Variants in ASTN2 observed in about 807,000 individuals in gnomAD.
The protein encoded by ASTN2 is astrotactin-2.
In ASTN2, 54 loss-of-function variants were observed where a neutral mutation model predicts 139.8. The ratio of observed to expected loss-of-function variants is 0.39; its 90% confidence interval spans 0.31 to 0.48. The LOEUF (loss-of-function observed/expected upper bound fraction) is 0.48, where lower values mean the gene tolerates loss of function less well. Among genes scored for constraint, ASTN2 ranks in the 20% least tolerant of loss-of-function variants. ASTN2 has a pLI of 0.95. For missense variants in ASTN2, 1,565 were observed against 1,725.1 expected, an observed-to-expected ratio of 0.91 and a Z score of 1.64; for synonymous variants, 756 against 719.5, an observed-to-expected ratio of 1.05 and a Z score of -0.81.
intron 20 of ASTN2, among the ~76,000 whole-genome samples, chr9:116,457,792 A>C (rs1332929740): frequency 8.5e-5 from 13 of 152,116 alleles, no homozygotes; most frequent in Admixed American, 7.9e-4. Flanking sequence ...AACAATATGG[A>C]GATTCCTCAA....
intron 3 of ASTN2, among the ~76,000 whole-genome samples, chr9:117,157,318 A>G (rs556329743): frequency 6.6e-6 from 1 of 152,052 alleles, no homozygotes; most frequent in East Asian, 1.9e-4. Context: ...AAAAAGACAC[A>G]TGGATCCAAG....
In ASTN2 at chr9:116,729,095, T is replaced by A. The variant is rs769785397; in HGVS notation, c.2523A>T (p.Gly841=). 6.3e-7 allele frequency: 1 copy of A among 1,579,206 alleles called. No individual in the cohort carries two copies. ...EPLPDLQLLT[G]DIRYDEAMGY... is the part of the protein sequence containing the mutation. ...CCATGGCCTCATCATACCTGATATCTCCTGGGAGAGAAAATAAGATGGTCA... is the reference window on the plus strand; with the variant it reads ...CCATGGCCTCATCATACCTGATATCACCTGGGAGAGAAAATAAGATGGTCA... Residue 841 remains glycine, a splice_region_variant and synonymous_variant, in exon 15 of 23, where the codon GGA becomes GGT. Coordinates refer to ENST00000313400, the MANE Select transcript of ASTN2 (RefSeq NM_001365068.1).
intron 19 of ASTN2, among the ~76,000 whole-genome samples, chr9:116,488,680 T>C (rs552551277): frequency 2.0e-5 from 3 of 152,164 alleles, no homozygotes; most frequent in Non-Finnish European, 4.4e-5. Flanking sequence ...TACAAAATAA[T>C]CTCATTTTTG....
At chr9:117,008,757 T>G (rs563014281) in intron 6 of ASTN2, among the ~76,000 whole-genome samples, 7 of 152,326 alleles carry the variant, frequency 4.6e-5, no homozygotes, top group Admixed American at 4.6e-4. Flanking sequence ...ATGTCTCCTC[T>G]GGAACAGGGG....
At chr9:117,118,127 T>C (rs1263774871) in intron 4 of ASTN2, among the ~76,000 whole-genome samples, 1 of 152,214 alleles carries the variant, frequency 6.6e-6, no homozygotes, top group African/African-American at 2.4e-5. Context: ...TCTATCAGTG[T>C]TGTCATGCGG....
intron 6 of ASTN2, among the ~76,000 whole-genome samples, chr9:117,014,828 A>G (rs537510841): frequency 1.4e-3 from 208 of 152,260 alleles, no homozygotes; most frequent in African/African-American, 4.7e-3. Flanking sequence ...GGGAGAGGAC[A>G]GCCATCTACA....
intron 3 of ASTN2, among the ~76,000 whole-genome samples, chr9:117,205,131 G>T (rs1383139603): frequency 1.3e-5 from 2 of 152,190 alleles, no homozygotes; most frequent in Non-Finnish European, 2.9e-5. Context: ...TGGGGGTAGT[G>T]ACAATAAACC....
At chr9:116,480,768 G>C (rs1050871787) in intron 20 of ASTN2, among the ~76,000 whole-genome samples, 1 of 152,150 alleles carries the variant, frequency 6.6e-6, no homozygotes, top group Non-Finnish European at 1.5e-5. Flanking sequence ...GAACAGTAGA[G>C]GCAAAGACCT....
intron 1 of ASTN2, among the ~76,000 whole-genome samples, chr9:117,366,807 C>T (rs1336671935): frequency 6.6e-6 from 1 of 152,094 alleles, no homozygotes; most frequent in Non-Finnish European, 1.5e-5. Context: ...CGCAGTCTCA[C>T]TCTGTCTCCC....
intron 11 of ASTN2, among the ~76,000 whole-genome samples, chr9:116,843,300 A>T (rs1208580750): frequency 2.0e-5 from 3 of 152,198 alleles, no homozygotes; most frequent in African/African-American, 7.2e-5. Context: ...ATGCAGCTGG[A>T]GGCCATTATC....
At chr9:116,484,831 G>A (rs1480235975) in intron 20 of ASTN2, among the ~76,000 whole-genome samples, 1 of 152,184 alleles carries the variant, frequency 6.6e-6, no homozygotes, top group African/African-American at 2.4e-5. Context: ...AAGGGGCAAA[G>A]GAAAGTGTTC....
At chr9:116,999,815 G>C (rs531392834) in intron 7 of ASTN2, among the ~76,000 whole-genome samples, 102 of 151,954 alleles carry the variant, frequency 6.7e-4, no homozygotes, top group Non-Finnish European at 1.1e-3. Context: ...CTGCCTTAGC[G>C]TCCCAAAGTT....
chr9:117,361,366 T>C (rs953903950), intron 1 of ASTN2, among the ~76,000 whole-genome samples: 7 of 152,080 alleles, frequency 4.6e-5, no homozygotes, highest in Non-Finnish European at 1.0e-4. Flanking sequence ...AGGGCCGACT[T>C]GGAATCCTAG....
chr9:116,765,365 C>T (rs1379516431), intron 13 of ASTN2, among the ~76,000 whole-genome samples: 1 of 152,142 alleles, frequency 6.6e-6, no homozygotes, highest in Non-Finnish European at 1.5e-5. Flanking sequence ...CCATCTACCT[C>T]CAATCTAGCT....
chr9:116,752,983 C>T (rs1829437780), intron 13 of ASTN2, among the ~76,000 whole-genome samples: 1 of 152,182 alleles, frequency 6.6e-6, no homozygotes, highest in Non-Finnish European at 1.5e-5. Context: ...AACAGTCTTA[C>T]CACGAAATTC....
At chr9:117,242,146 G>A (rs766189033) in intron 2 of ASTN2, among the ~76,000 whole-genome samples, 5 of 150,796 alleles carry the variant, frequency 3.3e-5, no homozygotes, top group African/African-American at 1.2e-4. Context: ...TTCATTTAAC[G>A]TGGAGCTTAC....
At chr9:117,397,134 T>G (rs1830699299) in intron 1 of ASTN2, among the ~76,000 whole-genome samples, 2 of 151,746 alleles carry the variant, frequency 1.3e-5, no homozygotes, top group Non-Finnish European at 2.9e-5. Flanking sequence ...ATAGAGACGG[T>G]GTTTCACCAT....
intron 17 of ASTN2, among the ~76,000 whole-genome samples, chr9:116,646,521 G>T (rs1242018353): frequency 6.6e-6 from 1 of 152,134 alleles, no homozygotes; most frequent in Non-Finnish European, 1.5e-5. Context: ...CTTCCCACCA[G>T]CGTTGTTTTG....
chr9:116,794,900 G>T (rs1280299285), intron 13 of ASTN2, among the ~76,000 whole-genome samples: 1 of 152,194 alleles, frequency 6.6e-6, no homozygotes, highest in Non-Finnish European at 1.5e-5. Flanking sequence ...GCTTTATGCT[G>T]TTTGAAAGGG....
Sources: gnomAD v4.1 joint callset for allele counts (sites outside exome capture counted in the v4.1 genomes callset) on GRCh38, gnomAD v4.1.1 for gene constraint, MANE v1.5 for transcripts, NCBI Gene and HGNC (gene_info 2026-07-23, HGNC 2026-07-21) for gene names.